Variants in EPM2A observed in about 807,000 individuals in gnomAD.
The protein encoded by EPM2A is EPM2A glucan phosphatase, laforin, also known as laforin.
Under a neutral mutation model 26.5 loss-of-function variants are expected in EPM2A, and 21 were observed. The observed-to-expected ratio is 0.79, with a 90% confidence interval of 0.56 to 1.14. The LOEUF is 1.14. Ranked by LOEUF, EPM2A falls within the 50% of genes most tolerant of loss-of-function variation. EPM2A has a pLI of 0.00. For missense variants in EPM2A, 458 were observed against 440.8 expected, an observed-to-expected ratio of 1.04 and a Z score of -0.35; for synonymous variants, 217 against 177.6, an observed-to-expected ratio of 1.22 and a Z score of -1.76.
intron 2 of EPM2A, among the ~76,000 whole-genome samples, chr6:145,617,972 A>AT (rs1288130532): frequency 2.0e-5 from 3 of 152,254 alleles, no homozygotes; most frequent in Admixed American, 1.3e-4. Context: ...AAAAAACATA[A>AT]TAAAATACAC....
At chr6:145,639,303 T>C (rs575547013) in intron 2 of EPM2A, 5 of 152,350 alleles carry the variant, frequency 3.3e-5, no homozygotes, top group African/African-American at 9.6e-5. Flanking sequence ...CAACAGGGTA[T>C]TGACACTCAG....
chr6:145,575,079 C>T (rs1193085629), intron 2 of EPM2A, among the ~76,000 whole-genome samples: 1 of 152,052 alleles, frequency 6.6e-6, no homozygotes, highest in Non-Finnish European at 1.5e-5. Flanking sequence ...TGAAGAGAAT[C>T]AACATTATCT....
At chr6:145,458,440 CT>C (rs1296090293) in intron 4 of EPM2A, among the ~76,000 whole-genome samples, 2 of 152,214 alleles carry the variant, frequency 1.3e-5, no homozygotes, top group Non-Finnish European at 1.5e-5. Context: ...TATTCCTACG[CT>C]GGATTTAACA....
chr6:145,711,200 T>C (rs1403305776), intron 1 of EPM2A, among the ~76,000 whole-genome samples: 1 of 152,166 alleles, frequency 6.6e-6, no homozygotes, highest in Non-Finnish European at 1.5e-5. Flanking sequence ...CAGTTGATTA[T>C]CAAAAGCACC....
chr6:145,386,680 A>T (rs1186410450), intron 4 of EPM2A, among the ~76,000 whole-genome samples: 1 of 152,206 alleles, frequency 6.6e-6, no homozygotes, highest in Non-Finnish European at 1.5e-5. Context: ...GGAGGAAAAT[A>T]AAAGGCCATA....
At chr6:145,732,745 A>G (rs902074723) in intron 1 of EPM2A, among the ~76,000 whole-genome samples, 2 of 152,236 alleles carry the variant, frequency 1.3e-5, no homozygotes, top group Non-Finnish European at 2.9e-5. Context: ...TTCATGTCAC[A>G]AAATTTTATT....
At chr6:145,557,889 C>A (rs1274235320) in intron 2 of EPM2A, among the ~76,000 whole-genome samples, 1 of 152,094 alleles carries the variant, frequency 6.6e-6, no homozygotes, top group Non-Finnish European at 1.5e-5. Context: ...CCCAAACCGT[C>A]CTTGCCTCTC....
chr6:145,625,957 C>A lies in EPM2A; in HGVS notation c.*1459G>T. The A allele has an allele frequency of 8.1e-7, 1 of 1,240,052 alleles. No homozygotes were observed. Among genetic ancestry groups the A allele is most frequent in the Non-Finnish European group, 1.1e-6 (1 of 931,794 alleles). The allele number at this position is 1,240,052 out of a possible 1,614,324, so 76.8% of individuals were successfully genotyped here. A position where few individuals can be genotyped will look rare whatever the true frequency, so the allele number is the denominator to read the frequency against. On this transcript the variant is annotated 3_prime_UTR_variant, in exon 4 of 4. Transcript: ENST00000367519. The stretch of plus-strand genomic sequence containing the variant: ...TTGAATCAAACCCAGCTTTGTATCT[C>A]ACTTCATCTATTTATTCATCATGTG...
At chr6:145,673,028 C>A (rs939270331) in intron 2 of EPM2A, among the ~76,000 whole-genome samples, 1 of 151,806 alleles carries the variant, frequency 6.6e-6, no homozygotes, top group Non-Finnish European at 1.5e-5. Flanking sequence ...AGAGGAAATC[C>A]TCTAATGTGA....
chr6:145,668,868 C>T (rs1032836092), intron 2 of EPM2A, among the ~76,000 whole-genome samples: 2 of 151,940 alleles, frequency 1.3e-5, no homozygotes, highest in Non-Finnish European at 1.5e-5. Flanking sequence ...ATCCCAGAGT[C>T]CTGCTACAGG....
chr6:145,695,257 T>C (rs1410899118), intron 1 of EPM2A, among the ~76,000 whole-genome samples: 1 of 151,966 alleles, frequency 6.6e-6, no homozygotes, highest in African/African-American at 2.4e-5. Context: ...ATGTTTTATG[T>C]AAACCTCATG....
At chr6:145,411,664 A>G (rs915495227) in intron 4 of EPM2A, among the ~76,000 whole-genome samples, 1 of 152,184 alleles carries the variant, frequency 6.6e-6, no homozygotes, top group South Asian at 2.1e-4. Flanking sequence ...CAAAAGTACA[A>G]TGATACCCAT....
At chr6:145,526,330 C>T (rs1271301716) in intron 2 of EPM2A, among the ~76,000 whole-genome samples, 2 of 151,950 alleles carry the variant, frequency 1.3e-5, no homozygotes, top group Non-Finnish European at 2.9e-5. Flanking sequence ...GTCTTTTCTC[C>T]TCAGTTTTTT....
intron 2 of EPM2A, among the ~76,000 whole-genome samples, chr6:145,673,927 G>A (rs1186097232): frequency 6.6e-6 from 1 of 152,174 alleles, no homozygotes. Flanking sequence ...GAGAGCAGTG[G>A]TTCTCCCAGC....
At chr6:145,502,876 A>G (rs1445815895) in intron 2 of EPM2A, among the ~76,000 whole-genome samples, 5 of 152,254 alleles carry the variant, frequency 3.3e-5, no homozygotes, top group African/African-American at 9.6e-5. Context: ...ATTGAATTGA[A>G]CAATGATTTT....
Position 145,491,463 on chromosome 6 carries a change from A to G in EPM2A, c.555+11059T>C, listed in dbSNP as rs1779754184. 3.3e-5 allele frequency among the ~76,000 whole-genome samples: 5 copies of G among 152,230 alleles called. No individual in the cohort carries two copies. In the South Asian group the frequency reaches 1.0e-3, roughly 32 times the overall value. On this transcript the variant is annotated intron_variant, in intron 4 of 4. Coordinates refer to the EPM2A transcript ENST00000638717. ...ACTCCTTTCTAAAGCAACACCATCA[A>G]GCCGTCCCTTTGAAGTCAAGCTACT...
intron 2 of EPM2A, among the ~76,000 whole-genome samples, chr6:145,591,542 A>C (rs962097612): frequency 6.6e-6 from 1 of 152,180 alleles, no homozygotes; most frequent in African/African-American, 2.4e-5. Context: ...AGAGTGCAGT[A>C]AAGTATTTAA....
intron 4 of EPM2A, among the ~76,000 whole-genome samples, chr6:145,406,179 T>A (rs950425899): frequency 6.6e-6 from 1 of 152,178 alleles, no homozygotes; most frequent in African/African-American, 2.4e-5. Context: ...TGCTGCTTTT[T>A]GTATAACCAA....
intron 1 of EPM2A, among the ~76,000 whole-genome samples, chr6:145,690,511 C>T (rs1193267845): frequency 5.1e-5 from 6 of 117,042 alleles, no homozygotes; most frequent in African/African-American, 1.6e-4. Flanking sequence ...AGCGAGACTC[C>T]GTCTCAAAAG....
Sources: allele counts gnomAD v4.1 joint callset (sites outside exome capture counted in the v4.1 genomes callset), GRCh38; gene constraint gnomAD v4.1.1; transcripts MANE v1.5; gene names NCBI Gene and HGNC (gene_info 2026-07-23, HGNC 2026-07-21).